Variants in DOK6 observed in about 807,000 individuals in gnomAD.
DOK6 encodes docking protein 6.
Under a neutral mutation model 44.0 loss-of-function variants are expected in DOK6, and 22 were observed. The observed-to-expected ratio is 0.50, with a 90% CI of 0.36 to 0.71. The LOEUF is 0.71. Among genes scored for constraint, DOK6 ranks in the 30% least tolerant of loss-of-function variants. The probability of loss-of-function intolerance (pLI) is 0.00; values close to 1 mark genes in which losing one functional copy is unlikely to be tolerated. For synonymous variants in DOK6, 166 were observed against 145.5 expected (o/e 1.14, Z -1.01); for missense variants, 340 against 416.4 (o/e 0.82, Z 1.60).
intron 4 of DOK6, 63 bp from the exon 5 acceptor site, chr18:69,698,341 G>A (rs7241894): frequency 0.15 from 218,409 of 1,429,270 alleles, 17,633 homozygotes; most frequent in Middle Eastern, 0.18. Context: ...AATTAATATC[G>A]TATGGCCATA....
intron 2 of DOK6, among the ~76,000 whole-genome samples, chr18:69,594,376 C>A (rs1983692478): frequency 6.6e-6 from 1 of 151,748 alleles, no homozygotes; most frequent in African/African-American, 2.4e-5. Flanking sequence ...AAGTATTTTA[C>A]TTAAAATCAC....
intron 3 of DOK6, among the ~76,000 whole-genome samples, chr18:69,658,125 C>A (rs1316337642): frequency 6.6e-6 from 1 of 151,394 alleles, no homozygotes; most frequent in African/African-American, 2.4e-5. Flanking sequence ...TTTTTTAATT[C>A]GTCATTTGTT....
intron 1 of DOK6, among the ~76,000 whole-genome samples, chr18:69,537,003 T>TATTATTATTATC (rs1982142489): frequency 1.3e-5 from 2 of 149,004 alleles, no homozygotes; most frequent in South Asian, 4.2e-4. Context: ...TTATTATTAT[T>TATTATTATTATC]ATTATTTTAT....
chr18:69,779,465 C>A (rs183269889), intron 7 of DOK6, among the ~76,000 whole-genome samples: 1 of 151,668 alleles, frequency 6.6e-6, no homozygotes, highest in East Asian at 1.9e-4. Flanking sequence ...CACACACACA[C>A]ACACACACAC....
At chr18:69,528,563 G>A (rs565317885) in intron 1 of DOK6, among the ~76,000 whole-genome samples, 33 of 152,244 alleles carry the variant, frequency 2.2e-4, no homozygotes, top group Non-Finnish European at 4.3e-4. Context: ...TTCTCCTAAG[G>A]AAAGCTCTAA....
At chr18:69,770,442 T>C (rs1979854541) in intron 7 of DOK6, among the ~76,000 whole-genome samples, 1 of 152,110 alleles carries the variant, frequency 6.6e-6, no homozygotes, top group Admixed American at 6.6e-5. Context: ...CTTTGAACTA[T>C]AATCAAGGTT....
chr18:69,729,125 CACAT>C (rs374496593), intron 5 of DOK6, among the ~76,000 whole-genome samples: 92 of 152,126 alleles, frequency 6.0e-4, no homozygotes, highest in African/African-American at 2.2e-3. Flanking sequence ...TACATATACA[CACAT>C]AAACACATAT....
At chr18:69,493,597 T>A (rs149714347) in intron 1 of DOK6, among the ~76,000 whole-genome samples, 262 of 152,334 alleles carry the variant, frequency 1.7e-3, no homozygotes, top group African/African-American at 5.9e-3. Context: ...ATCTGAAATA[T>A]GAGCAACACT....
intron 1 of DOK6, among the ~76,000 whole-genome samples, chr18:69,555,492 A>G (rs1177035908): frequency 6.6e-6 from 1 of 152,194 alleles, no homozygotes; most frequent in African/African-American, 2.4e-5. Context: ...AGAGCTATTT[A>G]TTAAAAAGTC....
chr18:69,813,902 A>G (rs1018906293), intron 7 of DOK6, among the ~76,000 whole-genome samples: 5 of 152,172 alleles, frequency 3.3e-5, no homozygotes, highest in Non-Finnish European at 7.3e-5. Flanking sequence ...CTCATTTCTC[A>G]ATGCTATTTT....
chr18:69,662,018 A>G (rs1479041859), intron 3 of DOK6: 1 of 152,108 alleles, frequency 6.6e-6, no homozygotes, highest in African/African-American at 2.4e-5. Flanking sequence ...TCAGAATTTA[A>G]TCTCACCATC....
chr18:69,588,384 C>G (rs1983552812), intron 2 of DOK6, among the ~76,000 whole-genome samples: 1 of 152,192 alleles, frequency 6.6e-6, no homozygotes, highest in Non-Finnish European at 1.5e-5. Flanking sequence ...TTTCCTCTCT[C>G]TGTGTTCTTC....
chr18:69,677,762 C>CCTCTGCATGGAGTGTCTGGGGACCAGG lies in DOK6; in HGVS notation c.322_348dup (p.Cys108_Leu116dup). The stretch of plus-strand genomic sequence containing the variant: ...TGGAGGCCGAGGAGTGGTGCAAGCA[C>CCTCTGCATGGAGTGTCTGGGGACCAGG]CTCTGCATGGAGTGTCTGGGGACCA... On this transcript the variant is annotated inframe_insertion, in exon 4 of 8. Transcript: ENST00000382713. 6.2e-7 allele frequency: 1 copy of CCTCTGCATGGAGTGTCTGGGGACCAGG among 1,613,718 alleles called. No individual in the cohort carries two copies. Among genetic ancestry groups the CCTCTGCATGGAGTGTCTGGGGACCAGG allele is most frequent in the Non-Finnish European group, 8.5e-7 (1 of 1,179,740 alleles).
At chr18:69,667,615 G>A (rs1277553919) in intron 3 of DOK6, among the ~76,000 whole-genome samples, 1 of 152,184 alleles carries the variant, frequency 6.6e-6, no homozygotes, top group Non-Finnish European at 1.5e-5. Flanking sequence ...TTGCTAGCAT[G>A]AAAAAGTCAG....
intron 1 of DOK6, among the ~76,000 whole-genome samples, chr18:69,497,144 G>C (rs535769276): frequency 1.4e-4 from 21 of 152,298 alleles, no homozygotes; most frequent in African/African-American, 4.8e-4. Context: ...AAAAAATGCA[G>C]ATTAGGGTAA....
chr18:69,554,565 A>G (rs949347711), intron 1 of DOK6, among the ~76,000 whole-genome samples: 3 of 152,160 alleles, frequency 2.0e-5, no homozygotes, highest in African/African-American at 7.2e-5. Context: ...ATCAATCACA[A>G]CTTCTGCATT....
intron 2 of DOK6, among the ~76,000 whole-genome samples, chr18:69,576,121 G>T (rs4488552): frequency 0.96 from 145,322 of 152,168 alleles, 69,774 homozygotes; most frequent in East Asian, 1. Flanking sequence ...CCTCTGAGGT[G>T]CAGGTAAATA....
intron 2 of DOK6, among the ~76,000 whole-genome samples, chr18:69,575,229 A>T (rs1983211285): frequency 6.6e-6 from 1 of 152,116 alleles, no homozygotes; most frequent in Non-Finnish European, 1.5e-5. Flanking sequence ...GCACTCACAG[A>T]AACAGTTACC....
chr18:69,839,605 T>A (rs1053611914), intron 7 of DOK6, among the ~76,000 whole-genome samples: 2 of 152,352 alleles, frequency 1.3e-5, no homozygotes, highest in African/African-American at 4.8e-5. Context: ...ATGAGGAGGC[T>A]GCTTCAAGAG....
Sources: gnomAD v4.1 joint callset for allele counts (sites outside exome capture counted in the v4.1 genomes callset) on GRCh38, gnomAD v4.1.1 for gene constraint, MANE v1.5 for transcripts, NCBI Gene and HGNC (gene_info 2026-07-23, HGNC 2026-07-21) for gene names.